The following RIMS1 variants were observed in gnomAD, a reference collection of about 807,000 sequenced individuals.
RIMS1 encodes the protein regulating synaptic membrane exocytosis protein 1.
In RIMS1, 83 loss-of-function variants were observed where a neutral mutation model predicts 214.1. The ratio of observed to expected loss-of-function variants is 0.39; its 90% CI spans 0.32 to 0.47. RIMS1 has a LOEUF of 0.47. Among genes scored for constraint, RIMS1 ranks in the 20% least tolerant of loss-of-function variants. RIMS1 has a pLI of 0.99. For missense variants in RIMS1, 2,050 were observed against 2,161.8 expected, an observed-to-expected ratio of 0.95 and a Z score of 1.03; for synonymous variants, 793 against 786.8, an observed-to-expected ratio of 1.01 and a Z score of -0.13.
rs559091789 is a variant in RIMS1, at chr6:72,282,283, T to C, written c.3483-1764T>C. 7.2e-5 allele frequency among the ~76,000 whole-genome samples: 11 copies of C among 152,220 alleles called. No individual in the cohort carries two copies. In the South Asian group the frequency reaches 2.3e-3, roughly 32 times the overall value. ...CTTTCTTCTCCCCTTACTTCTCATC[T>C]TCCCACTATGCTTATGCCTTCTTCC... On this transcript the variant is annotated intron_variant, in intron 23 of 33. Transcript: ENST00000521978.
Position 72,160,615 on chromosome 6 carries a change from T to G in RIMS1, c.472-18960T>G, listed in dbSNP as rs1287574426. Among the ~76,000 whole-genome samples, 3 of 140,764 alleles carry G rather than the reference T, an allele frequency of 2.1e-5. 1 individual carries two copies. The highest frequency in any genetic ancestry group is 1.6e-5 in the Non-Finnish European group (1 of 61,862). 92.3% of individuals were successfully genotyped at this position (140,764 alleles called of 152,430 possible). On this transcript the variant is annotated intron_variant, in intron 4 of 33. Transcript: ENST00000521978. The stretch of plus-strand genomic sequence containing the variant: ...TGAAGGGCTGTTGAATTTTGTCAAA[T>G]GCCTTTTCTGCATCTATTGAGATAA...
intron 28 of RIMS1, among the ~76,000 whole-genome samples, chr6:72,326,495 T>A (rs935555668): frequency 6.6e-6 from 1 of 151,856 alleles, no homozygotes; most frequent in African/African-American, 2.4e-5. Context: ...TTATTATTTT[T>A]AAAAATTCTT....
chr6:72,376,664 T>C (rs1595718957), intron 29 of RIMS1, among the ~76,000 whole-genome samples: 1 of 151,266 alleles, frequency 6.6e-6, no homozygotes, highest in African/African-American at 2.4e-5. Flanking sequence ...GAAGGATGAC[T>C]AGAGCCCAGG....
intron 2 of RIMS1, among the ~76,000 whole-genome samples, chr6:72,064,351 G>A (rs977918220): frequency 6.0e-5 from 9 of 151,092 alleles, no homozygotes; most frequent in South Asian, 2.1e-4. Flanking sequence ...GAGAGAGAGA[G>A]GGAAGGAAGG....
intron 29 of RIMS1, among the ~76,000 whole-genome samples, chr6:72,381,326 C>T (rs950705193): frequency 5.3e-5 from 8 of 152,288 alleles, no homozygotes; most frequent in Middle Eastern, 3.4e-3. Flanking sequence ...AAGGCCTTTT[C>T]TACAACTACA....
At chr6:72,085,497 A>C (rs1586624861) in intron 2 of RIMS1, among the ~76,000 whole-genome samples, 1 of 152,306 alleles carries the variant, frequency 6.6e-6, no homozygotes, top group East Asian at 1.9e-4. Context: ...GCATATTTTC[A>C]GAGGGGTAGT....
At chr6:72,268,323 T>C (rs2081509631) in intron 22 of RIMS1, among the ~76,000 whole-genome samples, 1 of 152,158 alleles carries the variant, frequency 6.6e-6, no homozygotes, top group African/African-American at 2.4e-5. Flanking sequence ...TTTTCTAATT[T>C]ACCGCAGGGA....
At chr6:72,183,195 A>G in intron 6 of RIMS1, 46 bp downstream of exon 6, 1 of 1,562,190 alleles carries the variant, frequency 6.4e-7, no homozygotes, top group South Asian at 1.2e-5. Context: ...CCAAGTGAAG[A>G]GGCGTGGGCA....
intron 4 of RIMS1, among the ~76,000 whole-genome samples, chr6:72,139,259 T>C (rs1326203865): frequency 2.0e-5 from 3 of 152,156 alleles, no homozygotes; most frequent in Non-Finnish European, 4.4e-5. Context: ...CATCCTCTCA[T>C]ATAATCCCCT....
chr6:72,110,003 G>A (rs1269255996), intron 4 of RIMS1, among the ~76,000 whole-genome samples: 1 of 152,090 alleles, frequency 6.6e-6, no homozygotes, highest in Non-Finnish European at 1.5e-5. Context: ...TCAAAGATCA[G>A]ATAGTTTTAG....
At chr6:71,949,937 A>G (rs1472436799) in intron 1 of RIMS1, among the ~76,000 whole-genome samples, 10 of 152,202 alleles carry the variant, frequency 6.6e-5, no homozygotes, top group Admixed American at 6.5e-4. Context: ...TTTATTCATA[A>G]TAGACAAAAG....
chr6:71,951,160 C>A (rs755892830), intron 1 of RIMS1, among the ~76,000 whole-genome samples: 20 of 152,158 alleles, frequency 1.3e-4, no homozygotes, highest in African/African-American at 4.6e-4. Flanking sequence ...TTTCCCTTTT[C>A]TTACCTATGA....
intron 29 of RIMS1, among the ~76,000 whole-genome samples, chr6:72,385,127 T>C (rs2098563886): frequency 1.3e-5 from 2 of 152,214 alleles, no homozygotes; most frequent in African/African-American, 4.8e-5. Flanking sequence ...AATAGAATAC[T>C]TCAGATGGTG....
At position 72,160,317 on chromosome 6, in the gene RIMS1, T is replaced by C. The variant is rs2045177023; in HGVS notation, c.472-19258T>C. Reference sequence around the variant, plus strand: ...ATGGGGTTTTCTAGATATACAATCATGTCATCTGCCAACAGGGACAATTTG... The same window carrying C: ...ATGGGGTTTTCTAGATATACAATCACGTCATCTGCCAACAGGGACAATTTG... On this transcript the variant is annotated intron_variant, in intron 4 of 33. Transcript: ENST00000521978. Among the ~76,000 whole-genome samples, 2 of 139,944 alleles carry C rather than the reference T, an allele frequency of 1.4e-5. 1 individual carries two copies. The highest frequency in any genetic ancestry group is 3.2e-5 in the Non-Finnish European group (2 of 61,748). The allele number at this position is 139,944 out of a possible 152,430, so 91.8% of individuals were successfully genotyped here.
chr6:72,290,228 T>C (rs190843059), intron 24 of RIMS1, among the ~76,000 whole-genome samples: 2 of 152,328 alleles, frequency 1.3e-5, no homozygotes, highest in Admixed American at 6.5e-5. Context: ...TGTAAAAATA[T>C]AGAGGCCTAC....
chr6:71,990,369 A>T (rs1391333952), intron 2 of RIMS1, among the ~76,000 whole-genome samples: 1 of 152,202 alleles, frequency 6.6e-6, no homozygotes, highest in African/African-American at 2.4e-5. Flanking sequence ...TTTTGCTCCA[A>T]GGGCATAATT....
intron 4 of RIMS1, among the ~76,000 whole-genome samples, chr6:72,144,295 C>T (rs1036393113): frequency 1.3e-5 from 2 of 152,182 alleles, no homozygotes; most frequent in African/African-American, 4.8e-5. Context: ...AATATGCACT[C>T]TGTTAGAGAA....
chr6:72,293,689 G>A (rs1271375083), intron 26 of RIMS1, among the ~76,000 whole-genome samples: 3 of 151,784 alleles, frequency 2.0e-5, no homozygotes, highest in Non-Finnish European at 4.4e-5. Flanking sequence ...GTGAGATTCT[G>A]ATTACATTAT....
intron 1 of RIMS1, among the ~76,000 whole-genome samples, chr6:71,953,042 A>T (rs1450656655): frequency 6.7e-6 from 1 of 148,508 alleles, no homozygotes; most frequent in Non-Finnish European, 1.5e-5. Context: ...GCTGGACTGC[A>T]TTGGTGCGAT....
Sources: allele counts gnomAD v4.1 joint callset (sites outside exome capture counted in the v4.1 genomes callset), GRCh38; gene constraint gnomAD v4.1.1; transcripts MANE v1.5; gene names NCBI Gene and HGNC (gene_info 2026-07-23, HGNC 2026-07-21).